SHC2: variants seen among roughly 807,000 people sequenced by gnomAD.
SHC2 encodes SHC adaptor protein 2.
In SHC2, 62 loss-of-function variants were observed where a neutral mutation model predicts 60.6. That is an observed-to-expected ratio of 1.02 (90% confidence interval 0.83 to 1.26). The LOEUF is 1.26. Among genes scored for constraint, SHC2 ranks in the 50% most tolerant of loss-of-function variants. The pLI is 0.00. For synonymous variants in SHC2, 375 were observed against 372.4 expected (o/e 1.01, Z -0.08); for missense variants, 873 against 822.2 (o/e 1.06, Z -0.76).
At chr19:439,249 C>T (rs895689771) in intron 2 of SHC2, 3 of 585,312 alleles carry the variant, frequency 5.1e-6, no homozygotes, top group Non-Finnish European at 9.1e-6. Flanking sequence ...GAGGAGTGCC[C>T]CACAGGACAG....
chr19:442,911 A>G (rs1238370724), intron 1 of SHC2, among the ~76,000 whole-genome samples: 1 of 69,314 alleles, frequency 1.4e-5, no homozygotes, highest in Non-Finnish European at 2.8e-5. Context: ...GGATGGATGG[A>G]CGGGTGGGTG....
rs770315563 is a variant in SHC2, at chr19:436,468, C to T, written c.775-37G>A. The T allele has an allele frequency of 9.0e-5, 144 of 1,600,472 alleles. No individual in the cohort carries two copies. The South Asian group carries it at 1.5e-3, about 17-fold the overall frequency. On this transcript the variant is annotated intron_variant, in intron 5 of 12. Transcript: ENST00000264554. ...GAGGGGCCAGCTGGACCTGCCTGGG[C>T]CCCCCACCGGGATTCCCAGCTGCCC...
intron 9 of SHC2, among the ~76,000 whole-genome samples, chr19:428,729 G>C (rs1011576165): frequency 6.6e-6 from 1 of 152,162 alleles, no homozygotes; most frequent in African/African-American, 2.4e-5. Context: ...ATGATGTTTT[G>C]AACCATGTGG....
At chr19:435,516 T>A (rs1482246134) in intron 7 of SHC2, among the ~76,000 whole-genome samples, 1 of 152,230 alleles carries the variant, frequency 6.6e-6, no homozygotes, top group Non-Finnish European at 1.5e-5. Flanking sequence ...ACCAGCAGGC[T>A]GGGAGCTCAT....
In SHC2 at chr19:441,994, C is replaced by T. The variant is rs556740932; in HGVS notation, c.469-1062G>A. ...TCTCCACGGCTCCATGTACCTGGAG[C>T]AGGGAGAGCAAGGAGCAGAGACAGA... On this transcript the variant is annotated intron_variant, in intron 1 of 12. Coordinates refer to ENST00000264554, the MANE Select transcript of SHC2 (RefSeq NM_012435.3). This position sits in a 1 kb window ranked among gnomAD's most constrained non-coding sequence, Gnocchi z 4.9. 6.6e-6 allele frequency among the ~76,000 whole-genome samples: 1 copy of T among 152,202 alleles called. No individual in the cohort carries two copies. Among genetic ancestry groups the T allele is most frequent in the Non-Finnish European group, 1.5e-5 (1 of 68,036 alleles).
At chr19:439,731 CACAA>C (rs1568290808) in intron 2 of SHC2, among the ~76,000 whole-genome samples, 1 of 152,154 alleles carries the variant, frequency 6.6e-6, no homozygotes, top group South Asian at 2.1e-4. Context: ...GTGGGCCTGA[CACAA>C]ACAAATGCAT....
At position 440,302 on chromosome 19, in the gene SHC2, C is replaced by G. The variant is rs1276169281; in HGVS notation, c.539+560G>C. On this transcript the variant is annotated intron_variant, in intron 2 of 12. Transcript: ENST00000264554. This position sits in a 1 kb window ranked among gnomAD's most constrained non-coding sequence, Gnocchi z 7.0. ...GAACTAGACAGTGGTGATCGTGTGACTCTGTGAAGAGCCTAAAGTCTCAAA... is the reference window on the plus strand; with the variant it reads ...GAACTAGACAGTGGTGATCGTGTGAGTCTGTGAAGAGCCTAAAGTCTCAAA... Among the ~76,000 whole-genome samples, 1 of 152,082 alleles carries G rather than the reference C, an allele frequency of 6.6e-6. No homozygotes were observed. The highest frequency in any genetic ancestry group is 1.5e-5 in the Non-Finnish European group (1 of 68,014).
rs1974852040 is a variant in SHC2 at position 441,006 on chromosome 19, C to G, written c.469-74G>C. 2 of 1,551,832 alleles carry G rather than the reference C, an allele frequency of 1.3e-6. No individual in the cohort carries two copies. The highest frequency in any genetic ancestry group is 1.8e-6 in the Non-Finnish European group (2 of 1,126,920). On this transcript the variant is annotated intron_variant, in intron 1 of 12. Coordinates refer to ENST00000264554, the MANE Select transcript of SHC2 (RefSeq NM_012435.3). This position sits in a 1 kb window ranked among gnomAD's most constrained non-coding sequence, Gnocchi z 4.9. ...AGCCACGTCCCTTTTCCCAGCAGCC[C>G]TTCGCCGCCTCCACCACCCCTGGGG...
At chr19:435,886 AG>A (rs2145718765) in intron 7 of SHC2, 1 of 389,502 alleles carries the variant, frequency 2.6e-6, no homozygotes, top group South Asian at 4.6e-5. Context: ...CGTCTGGAGG[AG>A]GGATATTGGT....
chr19:455,613 C>T (rs954255515), intron 1 of SHC2, among the ~76,000 whole-genome samples: 1 of 152,242 alleles, frequency 6.6e-6, no homozygotes, highest in Non-Finnish European at 1.5e-5. Context: ...CCCATCCACT[C>T]CCTCTTGCTG....
At chr19:437,031 G>GCACACACA (rs150186783) in intron 4 of SHC2, among the ~76,000 whole-genome samples, 5 of 150,712 alleles carry the variant, frequency 3.3e-5, no homozygotes, top group African/African-American at 1.2e-4. Context: ...CCACACACAT[G>GCACACACA]CACACACACA....
At chr19:456,755 T>C (rs1268008384) in intron 1 of SHC2, among the ~76,000 whole-genome samples, 2 of 151,342 alleles carry the variant, frequency 1.3e-5, no homozygotes, top group Non-Finnish European at 2.9e-5. Context: ...CCTTTGCACC[T>C]GCACCTGCTG....
In SHC2 at chr19:446,413, C is replaced by A. The variant is rs547295326; in HGVS notation, c.469-5481G>T. 6.6e-6 allele frequency among the ~76,000 whole-genome samples: 1 copy of A among 152,118 alleles called. No homozygotes were observed. Among genetic ancestry groups the A allele is most frequent in the African/African-American group, 2.4e-5 (1 of 41,416 alleles). ...GCAACTTCCGCCTCCCGGGTTCACA[C>A]CATTCTCCTGTCTCAGCCTCCTGAG... On this transcript the variant is annotated intron_variant, in intron 1 of 12. Coordinates refer to ENST00000264554, the MANE Select transcript of SHC2 (RefSeq NM_012435.3). This position sits in a 1 kb window ranked among gnomAD's most constrained non-coding sequence, Gnocchi z 5.4.
At chr19:456,858 A>G (rs1463422022) in intron 1 of SHC2, among the ~76,000 whole-genome samples, 851 of 80,734 alleles carry the variant, frequency 0.011, 3 homozygotes, top group African/African-American at 0.04. Flanking sequence ...AATCCCCACC[A>G]CGTGGGGCCT....
At position 446,059 on chromosome 19, in the gene SHC2, T is replaced by TAA. The variant is rs1218029354; in HGVS notation, c.469-5129_469-5128dup. ...GACAGAGGGAGAGTCTGTCTCAAAA[T>TAA]AAAAAAAAAAAAAGACAAGCACAGA... On this transcript the variant is annotated intron_variant, in intron 1 of 12. Transcript: ENST00000264554. This position sits in a 1 kb window ranked among gnomAD's most constrained non-coding sequence, Gnocchi z 5.4. Among the ~76,000 whole-genome samples the TAA allele has an allele frequency of 9.2e-6, 1 of 108,812 alleles. No homozygotes were observed. The highest frequency in any genetic ancestry group is 2.0e-5 in the Non-Finnish European group (1 of 49,626). 71.4% of individuals were successfully genotyped at this position (108,812 alleles called of 152,430 possible).
chr19:454,030 C>T lies in SHC2; in HGVS notation c.468+6499G>A, dbSNP rs554808301. ...TCCAGGAGACAAGCTCTGTGTCTTT[C>T]TCAACAGAGACATCTTGCTCAGATC... is the stretch of plus-strand genomic sequence containing the variant. On this transcript the variant is annotated intron_variant, in intron 1 of 12. Transcript: ENST00000264554. Among the ~76,000 whole-genome samples, 3 of 152,316 alleles carry T rather than the reference C, an allele frequency of 2.0e-5. No homozygotes were observed. The East Asian group carries it at 5.8e-4, about 29-fold the overall frequency.
At chr19:458,665 TGGGTTCCGGGGGAGGGGGAAGC>T (rs1975447711) in intron 1 of SHC2, among the ~76,000 whole-genome samples, 2 of 26,438 alleles carry the variant, frequency 7.6e-5, no homozygotes, top group African/African-American at 1.3e-4. Context: ...GAGGCGGAAG[TGGGTTCCGGGGGAGGGGGAAGC>T]GGGTTCCGGG....
At chr19:454,558 G>A (rs764076186) in intron 1 of SHC2, among the ~76,000 whole-genome samples, 1 of 152,204 alleles carries the variant, frequency 6.6e-6, no homozygotes, top group Non-Finnish European at 1.5e-5. Flanking sequence ...AGGCGCAGGC[G>A]GGCGGATCAC....
intron 9 of SHC2, among the ~76,000 whole-genome samples, chr19:430,301 C>T (rs141750904): frequency 6.6e-6 from 1 of 151,740 alleles, no homozygotes; most frequent in African/African-American, 2.4e-5. Context: ...TGCACAGAAA[C>T]CTAATACCGT....
Sources: allele counts gnomAD v4.1 joint callset (sites outside exome capture counted in the v4.1 genomes callset), GRCh38; gene constraint gnomAD v4.1.1; non-coding constraint Gnocchi (gnomAD v3.1); transcripts MANE v1.5; gene names NCBI Gene and HGNC (gene_info 2026-07-23, HGNC 2026-07-21).